RABGAP1: variants seen among roughly 807,000 people sequenced by gnomAD.
RABGAP1 encodes the protein rab GTPase-activating protein 1.
Under a neutral mutation model 137.6 loss-of-function variants are expected in RABGAP1, and 23 were observed. The ratio of observed to expected loss-of-function variants is 0.17; its 90% CI spans 0.12 to 0.24. The LOEUF is 0.24. Among genes scored for constraint, RABGAP1 ranks in the 10% least tolerant of loss-of-function variants. The pLI is 1.00. For missense variants in RABGAP1, 906 were observed against 1,275.8 expected (o/e 0.71, Z 4.42); for synonymous variants, 451 against 450.7 (o/e 1.00, Z -0.01).
At chr9:123,043,242 C>G (rs2033038599) in intron 13 of RABGAP1, among the ~76,000 whole-genome samples, 1 of 152,098 alleles carries the variant, frequency 6.6e-6, no homozygotes, top group African/African-American at 2.4e-5. Flanking sequence ...GTCTCTGACA[C>G]AGGAGGATGG....
At chr9:123,007,256 G>A (rs1421339068) in intron 10 of RABGAP1, among the ~76,000 whole-genome samples, 1 of 151,352 alleles carries the variant, frequency 6.6e-6, no homozygotes. Context: ...TGTATTTTTA[G>A]TACAGATGGG....
intron 13 of RABGAP1, among the ~76,000 whole-genome samples, chr9:123,055,769 C>T (rs2797455): frequency 0.24 from 36,997 of 151,892 alleles, 6,446 homozygotes; most frequent in East Asian, 0.65. Flanking sequence ...AGGCTGGTCT[C>T]GAACTCCTGA....
chr9:123,040,498 T>G (rs756925196), intron 13 of RABGAP1, among the ~76,000 whole-genome samples: 2 of 152,160 alleles, frequency 1.3e-5, no homozygotes, highest in Non-Finnish European at 2.9e-5. Context: ...ACCTTCTCAT[T>G]GACATATTAC....
chr9:122,989,914 C>A (rs976486749), intron 5 of RABGAP1, 142 bp from the exon 6 acceptor site: 3 of 940,876 alleles, frequency 3.2e-6, no homozygotes, highest in African/African-American at 1.7e-5. Flanking sequence ...GCTTTATAGG[C>A]CTAACAAATT....
At chr9:123,024,911 T>A (rs971846043) in intron 13 of RABGAP1, among the ~76,000 whole-genome samples, 1 of 152,246 alleles carries the variant, frequency 6.6e-6, no homozygotes, top group Non-Finnish European at 1.5e-5. Context: ...ATATATTTTT[T>A]AATGATTTTA....
chr9:123,092,360 G>A (rs1307789407), intron 21 of RABGAP1, among the ~76,000 whole-genome samples: 1 of 152,200 alleles, frequency 6.6e-6, no homozygotes, highest in Admixed American at 6.5e-5. Flanking sequence ...ATTTACTGAT[G>A]ATTTGTGGTG....
chr9:123,078,071 C>T (rs914034089), intron 19 of RABGAP1, among the ~76,000 whole-genome samples: 18 of 152,052 alleles, frequency 1.2e-4, no homozygotes, highest in Non-Finnish European at 2.2e-4. Flanking sequence ...GTTTAATGCT[C>T]ACACAGACAT....
intron 22 of RABGAP1, among the ~76,000 whole-genome samples, 196 bp from the exon 23 acceptor site, chr9:123,098,519 T>A (rs557565811): frequency 6.6e-6 from 1 of 152,308 alleles, no homozygotes; most frequent in South Asian, 2.1e-4. Flanking sequence ...TTTGGAAGTT[T>A]TAACTGTTCT....
chr9:123,035,262 C>G, intron 13 of RABGAP1: 1 of 1,614,172 alleles, frequency 6.2e-7, no homozygotes, highest in East Asian at 2.2e-5. Context: ...AAGCCCGCTT[C>G]AGCAGCCAGA....
intron 13 of RABGAP1, among the ~76,000 whole-genome samples, chr9:123,025,537 TC>T (rs2031903080): frequency 1.5e-5 from 2 of 131,712 alleles, no homozygotes; most frequent in East Asian, 4.0e-4. Flanking sequence ...TTCAGATCTT[TC>T]TTTTCTTTTT....
At chr9:123,005,826 A>G (rs539766522) in intron 10 of RABGAP1, among the ~76,000 whole-genome samples, 8 of 152,346 alleles carry the variant, frequency 5.3e-5, no homozygotes, top group Non-Finnish European at 1.0e-4. Context: ...TGCTATTGTT[A>G]TATTTGCCAA....
chr9:122,965,165 A>ATTC (rs1482237642), intron 2 of RABGAP1, among the ~76,000 whole-genome samples: 1 of 152,212 alleles, frequency 6.6e-6, no homozygotes, highest in African/African-American at 2.4e-5. Flanking sequence ...GCCATAAAAT[A>ATTC]CTGATACATG....
Position 122,984,503 on chromosome 9 carries a change from G to C in RABGAP1, c.169G>C (p.Glu57Gln), listed in dbSNP as rs375853497. ...TGLKIVGNGS[E>Q]QQLQKELADV... ...CCCTTAGATTGTAGGGAATGGAAGT[G>C]AACAGCAGCTGCAAAAAGAGCTAGC... is the stretch of plus-strand genomic sequence containing the variant. The change falls in exon 3 of 26, where the codon GAA becomes CAA. Residue 57 changes from glutamate (E) to glutamine (Q), a missense_variant. By Grantham distance (29) the Glu-to-Gln change is conservative. Transcript: ENST00000373647. The C allele has an allele frequency of 1.2e-4, 189 of 1,613,838 alleles. 1 individual carries two copies. Among genetic ancestry groups the C allele is most frequent in the Non-Finnish European group, 1.5e-4 (178 of 1,179,956 alleles).
intron 1 of RABGAP1, chr9:122,945,226 A>C (rs1159198016): frequency 4.4e-5 from 6 of 136,564 alleles, no homozygotes; most frequent in Non-Finnish European, 7.6e-5. Flanking sequence ...GTTGATCCTG[A>C]GATCATTATT....
intron 1 of RABGAP1, among the ~76,000 whole-genome samples, chr9:122,947,485 T>C (rs1403535035): frequency 5.9e-5 from 9 of 152,220 alleles, no homozygotes; most frequent in Admixed American, 5.9e-4. Flanking sequence ...GTTTGTGTTA[T>C]TACTTAATCA....
At chr9:123,013,356 G>A (rs953865973) in intron 11 of RABGAP1, among the ~76,000 whole-genome samples, 5 of 151,268 alleles carry the variant, frequency 3.3e-5, no homozygotes, top group Non-Finnish European at 5.9e-5. Context: ...TTTTGAGATG[G>A]AGTCTCGCTG....
intron 21 of RABGAP1, among the ~76,000 whole-genome samples, chr9:123,091,927 C>G (rs1166835978): frequency 6.6e-6 from 1 of 151,960 alleles, no homozygotes; most frequent in Non-Finnish European, 1.5e-5. Flanking sequence ...GTATTTCTGC[C>G]TAGTGAGTGG....
chr9:122,991,260 G>A (rs577149804), intron 6 of RABGAP1, among the ~76,000 whole-genome samples: 2 of 152,040 alleles, frequency 1.3e-5, no homozygotes, highest in Non-Finnish European at 2.9e-5. Flanking sequence ...GTTGCAAGAT[G>A]ACTTGATGTT....
intron 19 of RABGAP1, among the ~76,000 whole-genome samples, chr9:123,081,527 C>G (rs1329122647): frequency 6.6e-6 from 1 of 152,182 alleles, no homozygotes. Context: ...GCCTCAACCT[C>G]CCAGACTCAA....
Sources: allele counts gnomAD v4.1 joint callset (sites outside exome capture counted in the v4.1 genomes callset), GRCh38; gene constraint gnomAD v4.1.1; transcripts MANE v1.5; gene names NCBI Gene and HGNC (gene_info 2026-07-23, HGNC 2026-07-21).